CNTNAP2: variants seen among roughly 807,000 people sequenced by gnomAD.
CNTNAP2 encodes contactin-associated protein-like 2.
A neutral mutation model predicts 155.2 loss-of-function variants in CNTNAP2; 98 were observed. The ratio of observed to expected loss-of-function variants is 0.63; its 90% confidence interval spans 0.54 to 0.75. CNTNAP2 has a LOEUF of 0.75. Among genes scored for constraint, CNTNAP2 ranks in the 30% least tolerant of loss-of-function variants. The pLI is 0.00. For synonymous variants in CNTNAP2, 651 were observed against 631.2 expected (o/e 1.03, Z -0.47); for missense variants, 1,727 against 1,688.1 (o/e 1.02, Z -0.40).
chr7:147,898,443 C>T (rs774618629), intron 13 of CNTNAP2, among the ~76,000 whole-genome samples: 2 of 152,172 alleles, frequency 1.3e-5, no homozygotes, highest in Non-Finnish European at 1.5e-5. Context: ...TTTCTGAGCA[C>T]TCATAGAGTC....
chr7:146,585,230 T>C (rs1477663705), intron 1 of CNTNAP2, among the ~76,000 whole-genome samples: 3 of 152,148 alleles, frequency 2.0e-5, no homozygotes, highest in East Asian at 1.9e-4. Flanking sequence ...CAAGCCATTT[T>C]CCTGCCTCAG....
rs190978214 is a variant in CNTNAP2, at chr7:146,381,663, A to G, written c.97+264690A>G. Among the ~76,000 whole-genome samples the G allele has an allele frequency of 1.9e-3, 293 of 152,336 alleles. 1 individual carries two copies. Among genetic ancestry groups the G allele is most frequent in the Admixed American group, 5.6e-3 (85 of 15,302 alleles). On this transcript the variant is annotated intron_variant, in intron 1 of 23. Coordinates refer to ENST00000361727, the MANE Select transcript of CNTNAP2 (RefSeq NM_014141.6). Reference sequence around the variant, plus strand: ...GGTTTTATGAGGACAAGCTCTTTGTAAAAGTTCAAAGACCTATATCAGTTA... The same window carrying G: ...GGTTTTATGAGGACAAGCTCTTTGTGAAAGTTCAAAGACCTATATCAGTTA...
intron 8 of CNTNAP2, among the ~76,000 whole-genome samples, chr7:147,214,332 A>T (rs967769884): frequency 6.6e-6 from 1 of 152,128 alleles, no homozygotes; most frequent in African/African-American, 2.4e-5. Flanking sequence ...ACACTGCATA[A>T]GTTTGATCCT....
At position 148,139,925 on chromosome 7, in the gene CNTNAP2, A is replaced by G. The variant is rs115058207; in HGVS notation, c.2555-7566A>G. Among the ~76,000 whole-genome samples, 938 of 152,260 alleles carry G rather than the reference A, an allele frequency of 6.2e-3. 11 individuals are homozygous for G. The highest frequency in any genetic ancestry group is 0.021 in the African/African-American group (892 of 41,560). On this transcript the variant is annotated intron_variant, in intron 16 of 23. Transcript: ENST00000361727. ...CAAATTTAGAGAGACCACATTCCCC[A>G]TAAGACTGCATATGCTTCTGACACC...
chr7:147,597,786 A>G (rs1453253233), intron 12 of CNTNAP2, among the ~76,000 whole-genome samples: 1 of 152,180 alleles, frequency 6.6e-6, no homozygotes, highest in African/African-American at 2.4e-5. Flanking sequence ...CAAATTTGCA[A>G]AGTTAGTTCC....
chr7:147,421,825 A>C (rs1797296066), intron 10 of CNTNAP2, among the ~76,000 whole-genome samples: 1 of 151,938 alleles, frequency 6.6e-6, no homozygotes, highest in Admixed American at 6.6e-5. Context: ...AGACCTGGTC[A>C]TTTAGAGGTG....
At chr7:148,235,748 C>T (rs1031151547) in intron 20 of CNTNAP2, among the ~76,000 whole-genome samples, 16 of 144,914 alleles carry the variant, frequency 1.1e-4, no homozygotes, top group Non-Finnish European at 1.8e-4. Flanking sequence ...TGCAGCGGCA[C>T]GATCTTGGCT....
chr7:148,011,232 T>A (rs1027993849), intron 15 of CNTNAP2, among the ~76,000 whole-genome samples: 1 of 152,072 alleles, frequency 6.6e-6, no homozygotes, highest in African/African-American at 2.4e-5. Flanking sequence ...CAAGTTTTTG[T>A]GTGTAGTTAT....
chr7:148,176,804 C>T (rs963740107), intron 18 of CNTNAP2, among the ~76,000 whole-genome samples: 1 of 152,110 alleles, frequency 6.6e-6, no homozygotes, highest in African/African-American at 2.4e-5. Context: ...CCTTGGCACC[C>T]CATCGGCTGA....
intron 1 of CNTNAP2, among the ~76,000 whole-genome samples, chr7:146,182,060 G>C (rs1357223961): frequency 1.3e-5 from 2 of 152,038 alleles, no homozygotes; most frequent in African/African-American, 4.8e-5. Context: ...CTGCAATACA[G>C]AGTCTCCAGT....
chr7:146,384,703 A>G (rs770664114), intron 1 of CNTNAP2, among the ~76,000 whole-genome samples: 30 of 151,990 alleles, frequency 2.0e-4, no homozygotes, highest in Non-Finnish European at 4.0e-4. Flanking sequence ...AGCCAAGACT[A>G]ATGGTTAAAA....
intron 1 of CNTNAP2, among the ~76,000 whole-genome samples, chr7:146,721,889 A>ATATATTTTTTTTTTTTTTTTTTTT: frequency 1.4e-5 from 1 of 69,738 alleles, no homozygotes; most frequent in African/African-American, 1.9e-4. Flanking sequence ...ATATATATAT[A>ATATATTTTTTTTTTTTTTTTTTTT]TTTTTTTTTT....
intron 21 of CNTNAP2, among the ~76,000 whole-genome samples, chr7:148,349,322 G>T (rs1429112927): frequency 4.6e-5 from 7 of 151,454 alleles, no homozygotes; most frequent in Admixed American, 3.9e-4. Flanking sequence ...GGCCACATTG[G>T]AAGAAGAATT....
intron 1 of CNTNAP2, among the ~76,000 whole-genome samples, chr7:146,644,830 CA>C (rs1326120904): frequency 6.6e-6 from 1 of 152,060 alleles, no homozygotes; most frequent in Non-Finnish European, 1.5e-5. Context: ...GAAATTGTGG[CA>C]ATAATCAGTA....
chr7:147,479,046 T>G (rs1798373243), intron 10 of CNTNAP2, among the ~76,000 whole-genome samples: 1 of 152,214 alleles, frequency 6.6e-6, no homozygotes, highest in Non-Finnish European at 1.5e-5. Context: ...CTGTCTGCTG[T>G]GATCCTCATT....
At chr7:146,911,191 C>A (rs540120786) in intron 3 of CNTNAP2, among the ~76,000 whole-genome samples, 1 of 152,060 alleles carries the variant, frequency 6.6e-6, no homozygotes, top group African/African-American at 2.4e-5. Flanking sequence ...AATAGGAACA[C>A]TTTTACACTG....
chr7:146,944,574 A>G (rs1009157422), intron 3 of CNTNAP2, among the ~76,000 whole-genome samples: 3 of 152,180 alleles, frequency 2.0e-5, no homozygotes, highest in African/African-American at 7.2e-5. Flanking sequence ...AGATATACAT[A>G]TGCATAGAAA....
chr7:147,647,734 G>A (rs1019939416), intron 13 of CNTNAP2, among the ~76,000 whole-genome samples: 2 of 152,092 alleles, frequency 1.3e-5, no homozygotes, highest in African/African-American at 4.8e-5. Flanking sequence ...ATTTTAAAAG[G>A]GGACTAAAGA....
intron 1 of CNTNAP2, among the ~76,000 whole-genome samples, chr7:146,374,123 G>A (rs891251640): frequency 2.0e-5 from 3 of 152,000 alleles, no homozygotes; most frequent in Non-Finnish European, 4.4e-5. Flanking sequence ...AACTAGGGTT[G>A]GCTTTGTTTT....
Sources: gnomAD v4.1 joint callset for allele counts (sites outside exome capture counted in the v4.1 genomes callset) on GRCh38, gnomAD v4.1.1 for gene constraint, MANE v1.5 for transcripts, NCBI Gene and HGNC (gene_info 2026-07-23, HGNC 2026-07-21) for gene names.